SGCB: variants seen among roughly 807,000 people sequenced by gnomAD.
The protein encoded by SGCB is sarcoglycan beta.
A neutral mutation model predicts 27.3 loss-of-function variants in SGCB; 25 were observed. The ratio of observed to expected loss-of-function variants is 0.92; its 90% CI spans 0.67 to 1.28. SGCB has a LOEUF of 1.28. Ranked by LOEUF, SGCB falls within the 50% of genes most tolerant of loss-of-function variation. The pLI, the probability that SGCB is intolerant of heterozygous loss-of-function variation, is 0.00. For synonymous variants in SGCB, 147 were observed against 133.5 expected, an observed-to-expected ratio of 1.10 and a Z score of -0.70; for missense variants, 436 against 402.1, an observed-to-expected ratio of 1.08 and a Z score of -0.72.
rs1401050718 is a variant in SGCB, at chr4:52,022,692, T to C, written c.*1265A>G. The C allele has an allele frequency of 2.6e-5, 4 of 152,200 alleles. No individual in the cohort carries two copies. Among genetic ancestry groups the C allele is most frequent in the African/African-American group, 9.7e-5 (4 of 41,450 alleles). 9.4% of individuals were successfully genotyped at this position (152,200 alleles called of 1,614,324 possible). Reference sequence around the variant, plus strand: ...GCCATGCCTGGCCCAAAGAACTTGTTTGGGTCTATGGCCTCCCCACTTTCC... The same window carrying C: ...GCCATGCCTGGCCCAAAGAACTTGTCTGGGTCTATGGCCTCCCCACTTTCC... On this transcript the variant is annotated 3_prime_UTR_variant, in exon 6 of 6. Coordinates refer to ENST00000381431, the MANE Select transcript of SGCB (RefSeq NM_000232.5).
Sources: gnomAD v4.1 joint callset for allele counts on GRCh38, gnomAD v4.1.1 for gene constraint, MANE v1.5 for transcripts, NCBI Gene and HGNC (gene_info 2026-07-23, HGNC 2026-07-21) for gene names.